Variants in FARSB observed in about 807,000 individuals in gnomAD.
FARSB encodes phenylalanyl-tRNA synthetase subunit beta.
In FARSB, 40 loss-of-function variants were observed where a neutral mutation model predicts 69.6. The ratio of observed to expected loss-of-function variants is 0.57; its 90% CI spans 0.45 to 0.75. The LOEUF (loss-of-function observed/expected upper bound fraction) is 0.75, where lower values mean the gene tolerates loss of function less well. FARSB is among the 30% of genes least tolerant of loss of function. The pLI, the probability that FARSB is intolerant of heterozygous loss-of-function variation, is 0.00. For synonymous variants in FARSB, 235 were observed against 247.2 expected (o/e 0.95, Z 0.46); for missense variants, 632 against 722.9 (o/e 0.87, Z 1.44).
rs1689698311 is a variant in FARSB at position 222,570,505 on chromosome 2, A to C, written c.*1366T>G. The C allele has an allele frequency of 6.6e-6, 1 of 151,018 alleles. No homozygotes were observed. The highest frequency in any genetic ancestry group is 1.5e-5 in the Non-Finnish European group (1 of 67,798). The allele number at this position is 151,018 out of a possible 1,614,324, so 9.4% of individuals were successfully genotyped here. ...GATCCATAAACATAATTCTTATTTC[A>C]CTATCTTTGTTAGCTACTTCTTCTT... is the stretch of plus-strand genomic sequence containing the variant. On this transcript the variant is annotated 3_prime_UTR_variant, in exon 17 of 17. Coordinates refer to ENST00000281828, the MANE Select transcript of FARSB (RefSeq NM_005687.5).
chr2:222,583,500 G>A (rs1690025214), intron 16 of FARSB, among the ~76,000 whole-genome samples: 1 of 152,180 alleles, frequency 6.6e-6, no homozygotes, highest in Admixed American at 6.5e-5. Context: ...AATTAGTGAA[G>A]AAACATCAGA....
intron 5 of FARSB, among the ~76,000 whole-genome samples, chr2:222,636,600 T>A (rs898381128): frequency 8.5e-5 from 13 of 152,084 alleles, no homozygotes; most frequent in Non-Finnish European, 2.9e-5. Context: ...ATTCCAAATA[T>A]AGTAAGATAT....
chr2:222,596,856 T>TTAA (rs1690431408), intron 16 of FARSB, among the ~76,000 whole-genome samples: 1 of 152,154 alleles, frequency 6.6e-6, no homozygotes, highest in Middle Eastern at 3.2e-3. Context: ...GATGAAAAAC[T>TTAA]TAATACCAAC....
chr2:222,651,141 G>A (rs1410167491), intron 1 of FARSB, among the ~76,000 whole-genome samples: 1 of 152,182 alleles, frequency 6.6e-6, no homozygotes, highest in Non-Finnish European at 1.5e-5. Context: ...GGAGGAAAGT[G>A]AGGTAATGTT....
Sources: gnomAD v4.1 joint callset for allele counts (sites outside exome capture counted in the v4.1 genomes callset) on GRCh38, gnomAD v4.1.1 for gene constraint, MANE v1.5 for transcripts, NCBI Gene and HGNC (gene_info 2026-07-23, HGNC 2026-07-21) for gene names.